RBFOX1: variants seen among roughly 807,000 people sequenced by gnomAD.
RBFOX1 encodes RNA binding protein fox-1 homolog 1.
Under a neutral mutation model 57.7 loss-of-function variants are expected in RBFOX1, and 8 were observed. The ratio of observed to expected loss-of-function variants is 0.14; its 90% CI spans 0.08 to 0.25. The LOEUF is 0.25. RBFOX1 is among the 10% of genes least tolerant of loss of function. The probability of loss-of-function intolerance (pLI) is 1.00; values close to 1 mark genes in which losing one functional copy is unlikely to be tolerated. For synonymous variants in RBFOX1, 326 were observed against 222.4 expected, an observed-to-expected ratio of 1.47 and a Z score of -4.15; for missense variants, 611 against 548.5, an observed-to-expected ratio of 1.11 and a Z score of -1.14.
intron 2 of RBFOX1, among the ~76,000 whole-genome samples, chr16:5,475,023 G>T (rs1164938808): frequency 6.6e-6 from 1 of 152,092 alleles, no homozygotes; most frequent in African/African-American, 2.4e-5. Context: ...GGTAGGCCTG[G>T]GCATGCTACC....
intron 4 of RBFOX1, among the ~76,000 whole-genome samples, chr16:7,479,047 C>T (rs1431753515): frequency 6.6e-6 from 1 of 151,596 alleles, no homozygotes; most frequent in African/African-American, 2.4e-5. Context: ...AATCCACAAA[C>T]AGGAAAGTGG....
At chr16:6,328,852 G>C (rs1310350675) in intron 2 of RBFOX1, among the ~76,000 whole-genome samples, 3 of 152,120 alleles carry the variant, frequency 2.0e-5, no homozygotes, top group Non-Finnish European at 4.4e-5. Flanking sequence ...CGTGATTACT[G>C]CTCTGCTGAG....
At chr16:5,923,977 C>T (rs1294733549) in intron 4 of RBFOX1, among the ~76,000 whole-genome samples, 2 of 152,116 alleles carry the variant, frequency 1.3e-5, no homozygotes, top group Non-Finnish European at 2.9e-5. Context: ...CCATAATCTC[C>T]ACGTGTCAAG....
intron 1 of RBFOX1, among the ~76,000 whole-genome samples, chr16:5,450,524 G>A (rs1308863558): frequency 1.3e-5 from 2 of 152,210 alleles, no homozygotes; most frequent in South Asian, 4.1e-4. Flanking sequence ...GCATCAAAAG[G>A]CGTTGGCGCT....
chr16:7,001,941 C>G (rs774099971), intron 3 of RBFOX1, among the ~76,000 whole-genome samples: 2 of 151,878 alleles, frequency 1.3e-5, no homozygotes, highest in Non-Finnish European at 2.9e-5. Flanking sequence ...CTTTTTTTCT[C>G]CTGGAGTTTC....
chr16:7,110,071 T>C (rs142877560), intron 4 of RBFOX1, among the ~76,000 whole-genome samples: 2 of 151,914 alleles, frequency 1.3e-5, no homozygotes, highest in African/African-American at 2.4e-5. Context: ...ACTAAGAATC[T>C]CTGTGTGGTG....
intron 3 of RBFOX1, among the ~76,000 whole-genome samples, chr16:5,776,384 T>C (rs2054149252): frequency 6.6e-6 from 1 of 152,202 alleles, no homozygotes; most frequent in Admixed American, 6.5e-5. Context: ...TTCAGCAGCA[T>C]GAGACCACGG....
intron 3 of RBFOX1, among the ~76,000 whole-genome samples, chr16:6,927,414 C>CAAA (rs1194663760): frequency 0.18 from 9,711 of 52,958 alleles, 1,801 homozygotes; most frequent in African/African-American, 0.25. Context: ...CGCTTTCTCA[C>CAAA]AAAAAAAAAA....
At chr16:5,622,819 A>C (rs893452388) in intron 3 of RBFOX1, among the ~76,000 whole-genome samples, 4 of 152,216 alleles carry the variant, frequency 2.6e-5, no homozygotes, top group Non-Finnish European at 5.9e-5. Flanking sequence ...ACCAACCTCG[A>C]TTCAAAAATA....
chr16:7,482,512 T>C (rs1032805133), intron 4 of RBFOX1, among the ~76,000 whole-genome samples: 2 of 151,690 alleles, frequency 1.3e-5, no homozygotes, highest in African/African-American at 2.4e-5. Flanking sequence ...AATCAAGAGT[T>C]TGCATGCATC....
chr16:5,926,745 G>A (rs2152239607), intron 4 of RBFOX1, among the ~76,000 whole-genome samples: 1 of 152,304 alleles, frequency 6.6e-6, no homozygotes, highest in Admixed American at 6.5e-5. Flanking sequence ...CTTTTCCTCT[G>A]AAGGGGGTCC....
intron 2 of RBFOX1, among the ~76,000 whole-genome samples, chr16:6,502,138 C>T (rs1310462101): frequency 6.6e-6 from 1 of 152,074 alleles, no homozygotes; most frequent in Non-Finnish European, 1.5e-5. Flanking sequence ...TTCAGTGTCC[C>T]TTCAGGCATT....
chr16:7,636,011 C>T (rs565382187), intron 11 of RBFOX1, among the ~76,000 whole-genome samples: 13 of 152,278 alleles, frequency 8.5e-5, no homozygotes, highest in African/African-American at 2.9e-4. Context: ...CGGAGTTTCA[C>T]GTGTTAGCCA....
intron 4 of RBFOX1, among the ~76,000 whole-genome samples, chr16:7,063,229 A>ACATCAAGAG (rs2055031858): frequency 6.6e-6 from 1 of 152,068 alleles, no homozygotes; most frequent in South Asian, 2.1e-4. Context: ...GCAGGTAGGC[A>ACATCAAGAG]CAGGAAGAGA....
chr16:6,404,329 C>A (rs982033000), intron 2 of RBFOX1, among the ~76,000 whole-genome samples: 5 of 152,198 alleles, frequency 3.3e-5, no homozygotes, highest in Admixed American at 1.3e-4. Flanking sequence ...CTGTCAGGGA[C>A]TTGAGCATCT....
At chr16:5,507,387 T>C (rs1353023113) in intron 2 of RBFOX1, among the ~76,000 whole-genome samples, 1 of 152,050 alleles carries the variant, frequency 6.6e-6, no homozygotes, top group Non-Finnish European at 1.5e-5. Flanking sequence ...CCCCAGTTTC[T>C]CCATCAGTGG....
At chr16:6,241,711 T>C (rs1005942166) in intron 1 of RBFOX1, among the ~76,000 whole-genome samples, 1 of 152,172 alleles carries the variant, frequency 6.6e-6, no homozygotes, top group Non-Finnish European at 1.5e-5. Flanking sequence ...ATGCAAACAA[T>C]CAACACCAAT....
chr16:7,132,814 A>G (rs946753351), intron 4 of RBFOX1, among the ~76,000 whole-genome samples: 1 of 151,474 alleles, frequency 6.6e-6, no homozygotes, highest in Admixed American at 6.6e-5. Context: ...ATCAAAATTG[A>G]AAAAAAAAGA....
chr16:6,491,538 A>G (rs1007445445), intron 2 of RBFOX1, among the ~76,000 whole-genome samples: 3 of 152,196 alleles, frequency 2.0e-5, no homozygotes, highest in African/African-American at 7.2e-5. Flanking sequence ...GTTGTAATGT[A>G]CTAGCTAATT....
Sources: allele counts gnomAD v4.1 joint callset (sites outside exome capture counted in the v4.1 genomes callset), GRCh38; gene constraint gnomAD v4.1.1; transcripts MANE v1.5; gene names NCBI Gene and HGNC (gene_info 2026-07-23, HGNC 2026-07-21).